Variants in NRXN1 observed in about 807,000 individuals in gnomAD.
NRXN1 encodes neurexin-1.
In NRXN1, 39 loss-of-function variants were observed where a neutral mutation model predicts 150.9. The observed-to-expected ratio is 0.26, with a 90% CI of 0.20 to 0.34. The LOEUF is 0.34. Ranked by LOEUF, NRXN1 falls within the 10% of genes least tolerant of loss-of-function variation. The pLI, the probability that NRXN1 is intolerant of heterozygous loss-of-function variation, is 1.00. For synonymous variants in NRXN1, 924 were observed against 757.0 expected, an observed-to-expected ratio of 1.22 and a Z score of -3.62; for missense variants, 1,815 against 1,949.9, an observed-to-expected ratio of 0.93 and a Z score of 1.30.
At chr2:50,635,579 T>C (rs996067143) in intron 5 of NRXN1, among the ~76,000 whole-genome samples, 9 of 152,130 alleles carry the variant, frequency 5.9e-5, no homozygotes, top group African/African-American at 1.9e-4. Context: ...AAGTCATGCA[T>C]TGGGAATGCA....
In NRXN1 at chr2:51,027,933, C is replaced by A; in HGVS notation, c.341G>T (p.Trp114Leu). 1 of 1,605,178 alleles carries A rather than the reference C, an allele frequency of 6.2e-7. No homozygotes were observed. The highest frequency in any genetic ancestry group is 1.1e-5 in the South Asian group (1 of 91,064). Residue 114 changes from tryptophan to leucine, a missense_variant, in exon 2 of 23, where the codon TGG becomes TTG. By Grantham distance (61) the Trp-to-Leu change is moderately conservative. Around this residue, in one of 6 missense-constraint regions of NRXN1, gnomAD observed 554 missense variants for 478.8 expected, o/e 1.16. Transcript: ENST00000401669. ...CTGGCGGCGGATGCGCACGCTGTGCCAGGCGCCGTCGTTAACCGGCGTGTC... is the reference window on the plus strand; with the variant it reads ...CTGGCGGCGGATGCGCACGCTGTGCAAGGCGCCGTCGTTAACCGGCGTGTC... ...LADTPVNDGA[W>L]HSVRIRRQFR...
At chr2:50,736,874 G>T (rs1698823768) in intron 5 of NRXN1, among the ~76,000 whole-genome samples, 1 of 152,146 alleles carries the variant, frequency 6.6e-6, no homozygotes, top group African/African-American at 2.4e-5. Flanking sequence ...AGACCCTCAA[G>T]TCTAATGCCC....
chr2:50,918,843 A>C (rs544871079), intron 5 of NRXN1: 49 of 231,530 alleles, frequency 2.1e-4, no homozygotes, highest in East Asian at 1.6e-3. Flanking sequence ...TTCAAGCCCC[A>C]AAAAAATGTG....
chr2:50,158,378 C>T (rs1043080740), intron 18 of NRXN1, among the ~76,000 whole-genome samples: 2 of 151,458 alleles, frequency 1.3e-5, no homozygotes, highest in African/African-American at 4.8e-5. Context: ...TATTTGCTGA[C>T]ATTCATAGAC....
At chr2:50,315,395 A>G (rs1002378079) in intron 17 of NRXN1, among the ~76,000 whole-genome samples, 1 of 152,164 alleles carries the variant, frequency 6.6e-6, no homozygotes, top group African/African-American at 2.4e-5. Context: ...AGGATGGAAC[A>G]TAGCAGTCTG....
At chr2:50,575,711 C>T (rs1671342671) in intron 8 of NRXN1, among the ~76,000 whole-genome samples, 1 of 152,130 alleles carries the variant, frequency 6.6e-6, no homozygotes, top group Non-Finnish European at 1.5e-5. Flanking sequence ...AGGACAGAGT[C>T]CACATCTGTT....
intron 5 of NRXN1, among the ~76,000 whole-genome samples, chr2:50,676,059 T>C (rs1689498171): frequency 6.6e-6 from 1 of 152,094 alleles, no homozygotes; most frequent in Non-Finnish European, 1.5e-5. Flanking sequence ...GTGGTAGGTG[T>C]TTGGGTCATG....
chr2:50,308,665 A>G (rs1398642392), intron 17 of NRXN1, among the ~76,000 whole-genome samples: 4 of 152,074 alleles, frequency 2.6e-5, no homozygotes, highest in Non-Finnish European at 5.9e-5. Flanking sequence ...TGTATTAAAC[A>G]TTTTTAGATT....
At chr2:50,166,330 T>C (rs1414808664) in intron 18 of NRXN1, among the ~76,000 whole-genome samples, 3 of 149,884 alleles carry the variant, frequency 2.0e-5, no homozygotes, top group Non-Finnish European at 4.4e-5. Context: ...TGTGTTTGTG[T>C]GTGTGTGTGT....
intron 17 of NRXN1, among the ~76,000 whole-genome samples, chr2:50,239,765 T>C (rs1281521643): frequency 2.1e-5 from 3 of 141,350 alleles, no homozygotes; most frequent in African/African-American, 7.6e-5. Context: ...AAGAAAAAGT[T>C]AATTGGATGT....
intron 2 of NRXN1, among the ~76,000 whole-genome samples, chr2:50,994,485 C>G (rs996009585): frequency 6.6e-6 from 1 of 151,974 alleles, no homozygotes; most frequent in Non-Finnish European, 1.5e-5. Context: ...AAGAGAAGAA[C>G]ATAGCCAGAG....
At chr2:50,911,805 CT>C (rs1391393246) in intron 5 of NRXN1, among the ~76,000 whole-genome samples, 2 of 151,676 alleles carry the variant, frequency 1.3e-5, no homozygotes, top group Non-Finnish European at 2.9e-5. Context: ...TTTGTTTTGT[CT>C]TTTTGTAAAG....
At chr2:50,098,830 G>GTT (rs746736925) in intron 18 of NRXN1, among the ~76,000 whole-genome samples, 7 of 105,524 alleles carry the variant, frequency 6.6e-5, no homozygotes, top group South Asian at 3.4e-4. Flanking sequence ...TTTGGTTTTA[G>GTT]TTTTTTTTTT....
chr2:50,040,116 G>T (rs1690696706), intron 21 of NRXN1, among the ~76,000 whole-genome samples: 1 of 152,010 alleles, frequency 6.6e-6, no homozygotes, highest in Non-Finnish European at 1.5e-5. Flanking sequence ...GTGGTTGGTT[G>T]TCAGACAGAA....
intron 5 of NRXN1, among the ~76,000 whole-genome samples, chr2:50,823,054 A>ACTT (rs1183776157): frequency 1.3e-5 from 2 of 152,206 alleles, no homozygotes; most frequent in Non-Finnish European, 2.9e-5. Context: ...ATCAATGTGC[A>ACTT]CTTGCACCCT....
At chr2:50,318,450 A>C (rs1006962659) in intron 17 of NRXN1, among the ~76,000 whole-genome samples, 1 of 152,080 alleles carries the variant, frequency 6.6e-6, no homozygotes, top group Non-Finnish European at 1.5e-5. Flanking sequence ...TATGCCCTAG[A>C]GAAATTCTTG....
chr2:50,357,504 C>G (rs2078903754), intron 17 of NRXN1, among the ~76,000 whole-genome samples: 1 of 151,852 alleles, frequency 6.6e-6, no homozygotes, highest in African/African-American at 2.4e-5. Context: ...GATGGGGTTT[C>G]TCCATGTTAG....
chr2:50,104,754 T>C (rs1558886708), intron 18 of NRXN1, among the ~76,000 whole-genome samples: 2 of 152,000 alleles, frequency 1.3e-5, no homozygotes, highest in Non-Finnish European at 2.9e-5. Flanking sequence ...CAATTCCAGA[T>C]TTTGTGTGCT....
At chr2:50,060,639 G>C (rs1244659488) in intron 19 of NRXN1, among the ~76,000 whole-genome samples, 3 of 152,086 alleles carry the variant, frequency 2.0e-5, no homozygotes, top group African/African-American at 7.2e-5. Context: ...ATGTGTCATG[G>C]GAGACACCCA....
Sources: allele counts gnomAD v4.1 joint callset (sites outside exome capture counted in the v4.1 genomes callset), GRCh38; gene constraint gnomAD v4.1.1; regional missense constraint gnomAD v4.1.1; transcripts MANE v1.5; gene names NCBI Gene and HGNC (gene_info 2026-07-23, HGNC 2026-07-21).